FOXP4: variants seen among roughly 807,000 people sequenced by gnomAD.
FOXP4 encodes forkhead box P4, also known as forkhead box protein P4.
Under a neutral mutation model 82.6 loss-of-function variants are expected in FOXP4, and 25 were observed. The ratio of observed to expected loss-of-function variants is 0.30; its 90% CI spans 0.22 to 0.42. The LOEUF (loss-of-function observed/expected upper bound fraction) is 0.42, where lower values mean the gene tolerates loss of function less well. Among genes scored for constraint, FOXP4 ranks in the 10% least tolerant of loss-of-function variants. The pLI is 1.00. For missense variants in FOXP4, 785 were observed against 900.9 expected, an observed-to-expected ratio of 0.87 and a Z score of 1.65; for synonymous variants, 415 against 388.2, an observed-to-expected ratio of 1.07 and a Z score of -0.81.
Position 41,589,833 on chromosome 6 carries a change from G to A in FOXP4, c.1128G>A (p.Glu376=), listed in dbSNP as rs1766387897. The part of the protein sequence containing the change: ...MMAHLHMRPS[E]PKPFSQPLNP... ...CCCACCTGCACATGCGGCCCTCGGA[G>A]CCCAAGCCCTTCAGCCAGCCAGTGA... The change falls in exon 10 of 17, where the codon GAG becomes GAA. Residue 376 remains glutamate (E), a synonymous_variant. Transcript: ENST00000307972. 1.9e-6 allele frequency: 3 copies of A among 1,610,640 alleles called. No homozygotes were observed. The highest frequency in any genetic ancestry group is 1.3e-5 in the African/African-American group (1 of 74,896).
At chr6:41,571,944 T>C (rs2127362593) in intron 2 of FOXP4, among the ~76,000 whole-genome samples, 1 of 152,310 alleles carries the variant, frequency 6.6e-6, no homozygotes, top group Non-Finnish European at 1.5e-5. Flanking sequence ...TGAAGCGATA[T>C]TCCTTCTTTA....
intron 15 of FOXP4, 128 bp downstream of exon 15, chr6:41,597,370 C>G (rs1766906820): frequency 2.1e-6 from 2 of 940,858 alleles, no homozygotes; most frequent in South Asian, 1.5e-5. Flanking sequence ...CCCAAACTCT[C>G]CGAGACCCCA....
intron 1 of FOXP4, among the ~76,000 whole-genome samples, chr6:41,562,747 G>T (rs1162731969): frequency 6.6e-6 from 1 of 152,200 alleles, no homozygotes; most frequent in Non-Finnish European, 1.5e-5. Context: ...AGCTAGACTT[G>T]GAATCAGAGC....
chr6:41,554,381 C>T (rs1013036364), intron 1 of FOXP4, among the ~76,000 whole-genome samples: 1 of 152,214 alleles, frequency 6.6e-6, no homozygotes, highest in Non-Finnish European at 1.5e-5. Context: ...ACTGAGCCTG[C>T]ATTTCTGTGT....
At chr6:41,560,534 G>C (rs919206661) in intron 1 of FOXP4, among the ~76,000 whole-genome samples, 5 of 152,252 alleles carry the variant, frequency 3.3e-5, no homozygotes, top group African/African-American at 1.2e-4. Flanking sequence ...AGCTGCGCGT[G>C]CACGTGTGCT....
Position 41,591,173 on chromosome 6 carries a change from C to A in FOXP4, c.1435-48C>A, listed in dbSNP as rs1472734849. ...GGGGGAGGGAACCCAGGGCTGTGAC[C>A]CTTCGAGGCCCAGGCTGACGGTCCC... On this transcript the variant is annotated intron_variant, in intron 12 of 16. Transcript: ENST00000307972. This position sits in a 1 kb window ranked among gnomAD's most constrained non-coding sequence, Gnocchi z 4.2. 5.3e-6 allele frequency: 8 copies of A among 1,513,300 alleles called. No homozygotes were observed. In the African/African-American group the frequency reaches 8.2e-5, roughly 16 times the overall value. The allele number at this position is 1,513,300 out of a possible 1,614,324, so 93.7% of individuals were successfully genotyped here.
At chr6:41,575,109 C>T (rs898564517) in intron 2 of FOXP4, among the ~76,000 whole-genome samples, 2 of 152,130 alleles carry the variant, frequency 1.3e-5, no homozygotes, top group African/African-American at 4.8e-5. Context: ...GCTGGCACTG[C>T]GGGCTCCCAC....
At chr6:41,562,868 G>GTGC (rs1240435125) in intron 1 of FOXP4, among the ~76,000 whole-genome samples, 1 of 152,232 alleles carries the variant, frequency 6.6e-6, no homozygotes, top group Admixed American at 6.5e-5. Flanking sequence ...GTGGGGGAAG[G>GTGC]TGCTGCTGGC....
intron 3 of FOXP4, among the ~76,000 whole-genome samples, chr6:41,582,674 A>AT (rs1200404393): frequency 1.3e-5 from 2 of 152,138 alleles, no homozygotes. Flanking sequence ...CAACAGACTT[A>AT]GGGGCTGGCT....
chr6:41,598,894 C>T lies in FOXP4; in HGVS notation c.2001C>T (p.Asp667=), dbSNP rs1767051855. 6.2e-7 allele frequency: 1 copy of T among 1,607,404 alleles called. No individual in the cohort carries two copies. ...CCAGCGCCTCGGGGCCTCCGGAAGACAGGGACCTGGAGGAGGAGCTGCCGG... is the reference window on the plus strand; with the variant it reads ...CCAGCGCCTCGGGGCCTCCGGAAGATAGGGACCTGGAGGAGGAGCTGCCGG... ...PNPSASGPPE[D]RDLEEELPGE... Residue 667 remains aspartate, a synonymous_variant, in exon 17 of 17, where the codon GAC becomes GAT. Coordinates refer to ENST00000307972, the MANE Select transcript of FOXP4 (RefSeq NM_001012426.2).
intron 2 of FOXP4, among the ~76,000 whole-genome samples, chr6:41,575,447 G>A (rs569317167): frequency 9.2e-5 from 14 of 152,198 alleles, no homozygotes; most frequent in Admixed American, 7.2e-4. Context: ...AGGAATGGTG[G>A]GAAGCTGAGG....
At chr6:41,596,404 C>G (rs983239405) in intron 14 of FOXP4, among the ~76,000 whole-genome samples, 9 of 152,156 alleles carry the variant, frequency 5.9e-5, no homozygotes, top group African/African-American at 2.2e-4. Flanking sequence ...GTGTCTGCTC[C>G]CCTCAAAGAT....
chr6:41,574,763 G>T (rs1765380222), intron 2 of FOXP4, among the ~76,000 whole-genome samples: 2 of 152,190 alleles, frequency 1.3e-5, no homozygotes, highest in Admixed American at 1.3e-4. Context: ...CACATCTGGT[G>T]CAGCAGCGTG....
chr6:41,547,030 C>G (rs1409190224), intron 1 of FOXP4, among the ~76,000 whole-genome samples, 163 bp downstream of exon 1: 3 of 151,624 alleles, frequency 2.0e-5, no homozygotes, highest in Admixed American at 2.0e-4. Context: ...GAGCCGGGCC[C>G]GGGCCGGCGC....
At chr6:41,562,458 A>G (rs1562013776) in intron 1 of FOXP4, among the ~76,000 whole-genome samples, 1 of 152,140 alleles carries the variant, frequency 6.6e-6, no homozygotes, top group African/African-American at 2.4e-5. Context: ...CATTGCAGCA[A>G]TTATGTTGTT....
At chr6:41,569,836 C>G (rs904548737) in intron 2 of FOXP4, among the ~76,000 whole-genome samples, 1 of 152,064 alleles carries the variant, frequency 6.6e-6, no homozygotes, top group Non-Finnish European at 1.5e-5. Context: ...CCATCCCGTT[C>G]ACATCCTGTG....
At position 41,591,327 on chromosome 6, in the gene FOXP4, A is replaced by G. The variant is rs1766501128; in HGVS notation, c.1536+5A>G. 4.4e-6 allele frequency: 7 copies of G among 1,589,376 alleles called. No individual in the cohort carries two copies. Among genetic ancestry groups the G allele is most frequent in the Non-Finnish European group, 6.0e-6 (7 of 1,166,390 alleles). ...AGAAACACTGCCACCTGGAAGGTGA[A>G]GCAGGCCCCTTCCACCTTCTGGGCC... On this transcript the variant is annotated splice_donor_5th_base_variant and intron_variant, in intron 13 of 16. Coordinates refer to ENST00000307972, the MANE Select transcript of FOXP4 (RefSeq NM_001012426.2). The surrounding 1 kb of genome is among the most constrained non-coding windows in gnomAD (Gnocchi z 4.2).
At chr6:41,553,036 G>C (rs894619110) in intron 1 of FOXP4, among the ~76,000 whole-genome samples, 1 of 152,168 alleles carries the variant, frequency 6.6e-6, no homozygotes, top group Non-Finnish European at 1.5e-5. Flanking sequence ...TGGGAGCCAG[G>C]CAAGAAGAGA....
At chr6:41,563,020 G>A (rs568863036) in intron 1 of FOXP4, among the ~76,000 whole-genome samples, 6 of 152,176 alleles carry the variant, frequency 3.9e-5, no homozygotes, top group African/African-American at 4.8e-5. Flanking sequence ...AATCTCTTCC[G>A]AACCATCACT....
Sources: gnomAD v4.1 joint callset for allele counts (sites outside exome capture counted in the v4.1 genomes callset) on GRCh38, gnomAD v4.1.1 for gene constraint, Gnocchi (gnomAD v3.1) non-coding constraint, MANE v1.5 for transcripts, NCBI Gene and HGNC (gene_info 2026-07-23, HGNC 2026-07-21) for gene names.